The following PATJ variants were observed in gnomAD, a reference collection of about 807,000 sequenced individuals.
PATJ encodes inaD-like protein.
A neutral mutation model predicts 224.9 loss-of-function variants in PATJ; 190 were observed. The observed-to-expected ratio is 0.84, with a 90% CI of 0.75 to 0.95. PATJ has a LOEUF of 0.95. Among genes scored for constraint, PATJ ranks in the 40% least tolerant of loss-of-function variants. The probability of loss-of-function intolerance (pLI) is 0.00; values close to 1 mark genes in which losing one functional copy is unlikely to be tolerated. For missense variants in PATJ, 2,121 were observed against 2,270.3 expected (o/e 0.93, Z 1.34); for synonymous variants, 769 against 820.3 (o/e 0.94, Z 1.07).
At chr1:61,851,343 T>G (rs1570894382) in intron 17 of PATJ, among the ~76,000 whole-genome samples, 1 of 152,258 alleles carries the variant, frequency 6.6e-6, no homozygotes, top group South Asian at 2.1e-4. Flanking sequence ...AAGGGAATGC[T>G]TCTCATTGGA....
intron 1 of PATJ, among the ~76,000 whole-genome samples, chr1:61,762,657 G>C (rs946497464): frequency 2.6e-5 from 4 of 152,082 alleles, no homozygotes; most frequent in Non-Finnish European, 4.4e-5. Context: ...TCACAGCCTC[G>C]TTGAAACTTA....
At chr1:61,997,973 G>T (rs1486813355) in intron 28 of PATJ, among the ~76,000 whole-genome samples, 1 of 104,860 alleles carries the variant, frequency 9.5e-6, no homozygotes, top group Middle Eastern at 5.1e-3. Flanking sequence ...GCATGCCACT[G>T]TGCCCAGCTT....
Position 62,084,551 on chromosome 1 carries a change from C to A in PATJ, c.4280C>A (p.Thr1427Lys). The change falls in exon 33 of 44, where the codon ACG becomes AAG. Residue 1427 changes from threonine to lysine, a missense_variant. Thr to Lys is a moderately conservative substitution (Grantham distance 78). Coordinates refer to ENST00000642238, the MANE Select transcript of PATJ (RefSeq NM_001350145.3). ...FQAPLSVDPA[T>K]CPIVPGQEMI... The stretch of plus-strand genomic sequence containing the variant: ...GCTCCTCTGTCAGTGGACCCCGCAA[C>A]GTGTCCCATTGTCCCTGGACAGGAA... The A allele has an allele frequency of 6.2e-7, 1 of 1,613,234 alleles. No individual in the cohort carries two copies.
chr1:62,150,871 G>GCA, intron 42 of PATJ, among the ~76,000 whole-genome samples: 2 of 152,096 alleles, frequency 1.3e-5, no homozygotes, highest in Admixed American at 6.6e-5. Context: ...GGCCGGGCGT[G>GCA]GTGGCTTACG....
chr1:61,905,171 A>G (rs1040868199), intron 24 of PATJ, among the ~76,000 whole-genome samples: 4 of 152,148 alleles, frequency 2.6e-5, no homozygotes, highest in African/African-American at 9.7e-5. Flanking sequence ...AAGGCTGGGA[A>G]CTCCAAGATC....
At chr1:61,861,767 C>T in intron 19 of PATJ, 100 bp downstream of exon 19, 1 of 555,822 alleles carries the variant, frequency 1.8e-6, no homozygotes, top group Non-Finnish European at 3.2e-6. Flanking sequence ...TTGTCCTTAT[C>T]CTTTGGCTAA....
intron 28 of PATJ, among the ~76,000 whole-genome samples, chr1:61,991,231 A>AT (rs1645047068): frequency 2.0e-5 from 3 of 152,186 alleles, no homozygotes; most frequent in Non-Finnish European, 4.4e-5. Flanking sequence ...AATAACAGCT[A>AT]AAATATACCT....
intron 43 of PATJ, among the ~76,000 whole-genome samples, chr1:62,159,186 G>A (rs1293257191): frequency 6.6e-6 from 1 of 152,000 alleles, no homozygotes; most frequent in Admixed American, 6.6e-5. Context: ...TTTGAGTGAA[G>A]TTGCAAGTTT....
chr1:61,761,067 C>T (rs1301678122), intron 1 of PATJ, among the ~76,000 whole-genome samples: 4 of 152,130 alleles, frequency 2.6e-5, no homozygotes, highest in African/African-American at 9.7e-5. Flanking sequence ...TAACCTCAAC[C>T]TCCTGGGCTC....
At position 62,017,879 on chromosome 1, in the gene PATJ, A is replaced by G; in HGVS notation, c.3891A>G (p.Gly1297=). The change falls in exon 29 of 44, where the codon GGA becomes GGG. Residue 1297 remains glycine, a synonymous_variant. Transcript: ENST00000642238. ...LLEINNQILY[G]RSHQNASAII... ...AGATAAACAATCAGATTCTGTATGG[A>G]AGAAGTCACCAAAATGCATCTGCCA... 1 of 1,610,094 alleles carries G rather than the reference A, an allele frequency of 6.2e-7. No individual in the cohort carries two copies. Among genetic ancestry groups the G allele is most frequent in the Non-Finnish European group, 8.5e-7 (1 of 1,176,514 alleles).
chr1:62,018,003 T>C lies in PATJ; in HGVS notation c.3959+56T>C. The C allele has an allele frequency of 1.1e-6, 1 of 928,436 alleles. No homozygotes were observed. The allele number at this position is 928,436 out of a possible 1,614,324, so 57.5% of individuals were successfully genotyped here. A position where few individuals can be genotyped will look rare whatever the true frequency, so the allele number is the denominator to read the frequency against. ...CAAAGACCTCTTCTGAAGATGTTAT[T>C]AGTGTAAGACTATGTCATCTTTGAT... On this transcript the variant is annotated intron_variant, in intron 29 of 43. Coordinates refer to ENST00000642238, the MANE Select transcript of PATJ (RefSeq NM_001350145.3). This position sits in a 1 kb window ranked among gnomAD's most constrained non-coding sequence, Gnocchi z 4.2.
intron 26 of PATJ, among the ~76,000 whole-genome samples, chr1:61,922,341 G>A (rs12086149): frequency 0.02 from 3,056 of 152,212 alleles, 126 homozygotes; most frequent in African/African-American, 0.07. Context: ...ACCATGCCTG[G>A]CCAGTAACTG....
intron 37 of PATJ, among the ~76,000 whole-genome samples, chr1:62,119,612 A>G (rs892713220): frequency 4.6e-5 from 7 of 152,144 alleles, no homozygotes; most frequent in Non-Finnish European, 8.8e-5. Context: ...TTCCTCAGCC[A>G]ACTAAGGGAA....
At chr1:61,767,450 G>C (rs971986590) in intron 4 of PATJ, among the ~76,000 whole-genome samples, 2 of 151,950 alleles carry the variant, frequency 1.3e-5, no homozygotes, top group South Asian at 2.1e-4. Flanking sequence ...GATGTTGGCA[G>C]ATCACTTGAG....
intron 31 of PATJ, among the ~76,000 whole-genome samples, chr1:62,075,917 CAAAAAA>C (rs796303716): frequency 1.3e-5 from 1 of 79,874 alleles, no homozygotes; most frequent in African/African-American, 4.2e-5. Context: ...GACTCCGTCT[CAAAAAA>C]AAAAAAAAAG....
At chr1:62,151,158 A>G (rs1335899979) in intron 42 of PATJ, among the ~76,000 whole-genome samples, 1 of 152,090 alleles carries the variant, frequency 6.6e-6, no homozygotes, top group African/African-American at 2.4e-5. Context: ...AAACAACAAC[A>G]ACAAGAAAAA....
chr1:61,884,397 C>T lies in PATJ; in HGVS notation c.3120C>T (p.Ala1040=). ...AYTGMLSSRY[A]TDTCELPERE... is the part of the protein sequence containing the mutation. ...CAGGAATGTTGTCTTCTAGATATGC[C>T]ACTGATACATGGTATGATATCATTT... is the stretch of plus-strand genomic sequence containing the variant. The change falls in exon 22 of 44, where the codon GCC becomes GCT. Residue 1040 remains alanine (A), a synonymous_variant. Coordinates refer to ENST00000642238, the MANE Select transcript of PATJ (RefSeq NM_001350145.3). The T allele has an allele frequency of 3.1e-6, 5 of 1,593,648 alleles. No homozygotes were observed. Among genetic ancestry groups the T allele is most frequent in the South Asian group, 2.3e-5 (2 of 88,032 alleles).
intron 22 of PATJ, among the ~76,000 whole-genome samples, chr1:61,886,425 A>G (rs1233891830): frequency 6.6e-6 from 1 of 152,202 alleles, no homozygotes; most frequent in Non-Finnish European, 1.5e-5. Flanking sequence ...CTTGGTAAGC[A>G]TTGAACATTG....
Position 62,163,022 on chromosome 1 carries a change from A to G in PATJ, c.*1968A>G, listed in dbSNP as rs756501748. The stretch of plus-strand genomic sequence containing the variant: ...TAGTTCAGCATTATTTAACTACAAC[A>G]CAATGCTGCAAATATTTCACAGTAA... On this transcript the variant is annotated 3_prime_UTR_variant, in exon 44 of 44. Transcript: ENST00000642238. 4 of 256,262 alleles carry G rather than the reference A, an allele frequency of 1.6e-5. No individual in the cohort carries two copies. Among genetic ancestry groups the G allele is most frequent in the Non-Finnish European group, 3.2e-5 (4 of 124,034 alleles). The allele number at this position is 256,262 out of a possible 1,614,324, so 15.9% of individuals were successfully genotyped here. A position where few individuals can be genotyped will look rare whatever the true frequency, so the allele number is the denominator to read the frequency against.
Sources: gnomAD v4.1 joint callset for allele counts (sites outside exome capture counted in the v4.1 genomes callset) on GRCh38, gnomAD v4.1.1 for gene constraint, Gnocchi (gnomAD v3.1) non-coding constraint, MANE v1.5 for transcripts, NCBI Gene and HGNC (gene_info 2026-07-23, HGNC 2026-07-21) for gene names.